DNAH14: variants seen among roughly 807,000 people sequenced by gnomAD.
The protein encoded by DNAH14 is dynein axonemal heavy chain 14.
A neutral mutation model predicts 520.9 loss-of-function variants in DNAH14; 478 were observed. The ratio of observed to expected loss-of-function variants is 0.92; its 90% CI spans 0.85 to 0.99. The LOEUF (loss-of-function observed/expected upper bound fraction) is 0.99, where lower values mean the gene tolerates loss of function less well. Ranked by LOEUF, DNAH14 falls within the 50% of genes least tolerant of loss-of-function variation. DNAH14 has a pLI of 0.00. For synonymous variants in DNAH14, 1,581 were observed against 1,757.2 expected, an observed-to-expected ratio of 0.90 and a Z score of 2.51; for missense variants, 4,831 against 5,234.5, an observed-to-expected ratio of 0.92 and a Z score of 2.38.
intron 64 of DNAH14, among the ~76,000 whole-genome samples, chr1:225,326,162 C>A (rs1237539738): frequency 1.3e-5 from 2 of 152,148 alleles, no homozygotes; most frequent in Admixed American, 1.3e-4. Context: ...CTCACAACAA[C>A]ATTTCAAAGT....
At chr1:225,339,242 C>CA (rs2095129164) in intron 68 of DNAH14, among the ~76,000 whole-genome samples, 1 of 149,650 alleles carries the variant, frequency 6.7e-6, no homozygotes, top group African/African-American at 2.5e-5. Flanking sequence ...ACCTGGGAGG[C>CA]AGAGGTTGCA....
intron 42 of DNAH14, among the ~76,000 whole-genome samples, chr1:225,231,537 A>G (rs2091110183): frequency 6.6e-6 from 1 of 152,188 alleles, no homozygotes; most frequent in Non-Finnish European, 1.5e-5. Context: ...TATGTTAGGT[A>G]TCCAGAATAG....
chr1:225,201,142 G>A (rs2086772993), intron 38 of DNAH14, among the ~76,000 whole-genome samples: 1 of 151,702 alleles, frequency 6.6e-6, no homozygotes, highest in Admixed American at 6.6e-5. Context: ...CCTTCTGCTT[G>A]TTCAATTCTA....
chr1:225,100,342 T>C (rs577582263), intron 22 of DNAH14, among the ~76,000 whole-genome samples: 7 of 152,306 alleles, frequency 4.6e-5, no homozygotes, highest in African/African-American at 1.7e-4. Context: ...TTAAATAACG[T>C]CTTCTCCAAG....
intron 4 of DNAH14, among the ~76,000 whole-genome samples, chr1:224,963,072 A>G (rs1162140059): frequency 1.3e-5 from 2 of 152,020 alleles, no homozygotes; most frequent in Admixed American, 6.6e-5. Flanking sequence ...ATTTTTCCAT[A>G]TGTTTATGGG....
intron 64 of DNAH14, among the ~76,000 whole-genome samples, chr1:225,327,214 G>A (rs2094692777): frequency 6.6e-6 from 1 of 151,210 alleles, no homozygotes; most frequent in Non-Finnish European, 1.5e-5. Flanking sequence ...CTGAAGTGCA[G>A]AGGCGCGATC....
At position 225,335,493 on chromosome 1, in the gene DNAH14, G is replaced by A. The variant is rs1213169653; in HGVS notation, c.10081-1773G>A. 5.0e-3 allele frequency among the ~76,000 whole-genome samples: 448 copies of A among 89,080 alleles called. 13 individuals carry two copies. Among genetic ancestry groups the A allele is most frequent in the Non-Finnish European group, 6.7e-3 (287 of 42,866 alleles). The allele number at this position is 89,080 out of a possible 152,430, so 58.4% of individuals were successfully genotyped here. A position where few individuals can be genotyped will look rare whatever the true frequency, so the allele number is the denominator to read the frequency against. On this transcript the variant is annotated intron_variant, in intron 66 of 85. Coordinates refer to ENST00000682510, the MANE Select transcript of DNAH14 (RefSeq NM_001367479.1). Reference sequence around the variant, plus strand: ...TGTGTGTGTATGCACATATACACGTGTGTACATGTACACATATACATATGT... The same window carrying A: ...TGTGTGTGTATGCACATATACACGTATGTACATGTACACATATACATATGT...
chr1:225,273,275 CA>C, intron 52 of DNAH14, 150 bp downstream of exon 52: 11 of 892,700 alleles, frequency 1.2e-5, no homozygotes, highest in Admixed American at 3.5e-5. Context: ...ACTAAAAATA[CA>C]AAAAAATTAG....
At chr1:224,981,057 A>G (rs181208542) in intron 8 of DNAH14, among the ~76,000 whole-genome samples, 2 of 134,138 alleles carry the variant, frequency 1.5e-5, no homozygotes, top group African/African-American at 3.4e-5. Flanking sequence ...TGAGATGATC[A>G]TGTGTATTCT....
intron 36 of DNAH14, among the ~76,000 whole-genome samples, chr1:225,173,663 G>A (rs1050045956): frequency 4.6e-5 from 7 of 152,194 alleles, no homozygotes; most frequent in African/African-American, 1.7e-4. Flanking sequence ...CTGTTGGTGG[G>A]ACTGTAAACT....
chr1:224,969,587 G>A (rs1401664611), intron 7 of DNAH14: 11 of 227,448 alleles, frequency 4.8e-5, no homozygotes, highest in Non-Finnish European at 8.4e-6. Context: ...TTCACATTGA[G>A]TAGGCTGAGG....
intron 23 of DNAH14, among the ~76,000 whole-genome samples, chr1:225,108,561 A>AT (rs1235913920): frequency 2.0e-5 from 3 of 151,830 alleles, no homozygotes; most frequent in Admixed American, 6.6e-5. Flanking sequence ...TTTTTATTGC[A>AT]TTTTTTCCTA....
chr1:225,316,702 A>G (rs752461906), intron 60 of DNAH14, among the ~76,000 whole-genome samples: 17 of 152,140 alleles, frequency 1.1e-4, no homozygotes, highest in Admixed American at 2.0e-4. Flanking sequence ...ACCAGTCCCA[A>G]TGAGATGAAC....
intron 19 of DNAH14, 60 bp downstream of exon 19, chr1:225,080,808 A>G: frequency 2.1e-6 from 3 of 1,444,634 alleles, no homozygotes; most frequent in Non-Finnish European, 2.7e-6. Flanking sequence ...GCCTTTGGAC[A>G]TCAAGAGCAT....
At chr1:225,093,567 C>T (rs1193229461) in intron 21 of DNAH14, among the ~76,000 whole-genome samples, 1 of 151,936 alleles carries the variant, frequency 6.6e-6, no homozygotes, top group African/African-American at 2.4e-5. Context: ...CCTTGAAGAC[C>T]AGAAGAAGAC....
Position 225,318,584 on chromosome 1 carries a change from A to G in DNAH14, c.9242A>G (p.Lys3081Arg). 6.5e-7 allele frequency: 1 copy of G among 1,544,210 alleles called. No homozygotes were observed. Among genetic ancestry groups the G allele is most frequent in the Non-Finnish European group, 8.7e-7 (1 of 1,143,820 alleles). ...EVRIVEDYAQ[K>R]TANELKSVLP... The stretch of plus-strand genomic sequence containing the variant: ...TGGGGACCTATATTTTTATTGCAGA[A>G]AACTGCCAATGAACTAAAAAGTGTG... The change falls in exon 61 of 86, where the codon AAA becomes AGA. Residue 3081 changes from lysine to arginine, a missense_variant and splice_region_variant. Transcript: ENST00000682510.
chr1:225,363,919 C>T (rs1440742814), intron 75 of DNAH14, among the ~76,000 whole-genome samples: 2 of 152,162 alleles, frequency 1.3e-5, no homozygotes, highest in Non-Finnish European at 2.9e-5. Flanking sequence ...AATACCTTAA[C>T]ATTTTCTGAA....
At position 225,377,344 on chromosome 1, in the gene DNAH14, C is replaced by T; in HGVS notation, c.12624C>T (p.Ala4208=). The T allele has an allele frequency of 6.4e-7, 1 of 1,550,944 alleles. No homozygotes were observed. Among genetic ancestry groups the T allele is most frequent in the African/African-American group, 1.4e-5 (1 of 73,114 alleles). ...LPEVLGIHPE[A]IRSCWETQGE... is the part of the protein sequence containing the mutation. ...AGGTCTTAGGAATACACCCAGAGGC[C>T]ATCAGGAGCTGCTGGGAGACCCAGG... Residue 4208 remains alanine (A), a synonymous_variant, in exon 79 of 86, where the codon GCC becomes GCT. Coordinates refer to ENST00000682510, the MANE Select transcript of DNAH14 (RefSeq NM_001367479.1).
At chr1:225,242,598 G>A (rs79257028) in intron 43 of DNAH14, among the ~76,000 whole-genome samples, 7,459 of 151,956 alleles carry the variant, frequency 0.049, 288 homozygotes, top group Non-Finnish European at 0.073. Context: ...GCCTTCTTCT[G>A]GAATACCACA....
Sources: allele counts gnomAD v4.1 joint callset (sites outside exome capture counted in the v4.1 genomes callset), GRCh38; gene constraint gnomAD v4.1.1; transcripts MANE v1.5; gene names NCBI Gene and HGNC (gene_info 2026-07-23, HGNC 2026-07-21).